The following CIT variants were observed in gnomAD, a reference collection of about 807,000 sequenced individuals.
The protein encoded by CIT is citron Rho-interacting kinase.
In CIT, 79 loss-of-function variants were observed where a neutral mutation model predicts 272.7. That is an observed-to-expected ratio of 0.29 (90% confidence interval 0.24 to 0.35). CIT has a LOEUF of 0.35. Ranked by LOEUF, CIT falls within the 10% of genes least tolerant of loss-of-function variation. CIT has a pLI of 1.00. For missense variants in CIT, 1,909 were observed against 2,618.3 expected, an observed-to-expected ratio of 0.73 and a Z score of 5.91; for synonymous variants, 948 against 995.6, an observed-to-expected ratio of 0.95 and a Z score of 0.90.
At position 119,728,487 on chromosome 12, in the gene CIT, G is replaced by GT; in HGVS notation, c.3591+14dup. 6.5e-7 allele frequency: 1 copy of GT among 1,544,624 alleles called. No homozygotes were observed. The highest frequency in any genetic ancestry group is 8.8e-7 in the Non-Finnish European group (1 of 1,133,920). ...AAAATCCACTTGGCCCTTCTCCCAG[G>GT]TATTTCACACTCACCTCTTCCAGAA... On this transcript the variant is annotated intron_variant, in intron 28 of 47. Transcript: ENST00000392521. This position sits in a 1 kb window ranked among gnomAD's most constrained non-coding sequence, Gnocchi z 4.3.
intron 26 of CIT, among the ~76,000 whole-genome samples, chr12:119,730,870 G>A (rs1958398741): frequency 1.3e-5 from 2 of 152,230 alleles, no homozygotes; most frequent in South Asian, 4.1e-4. Flanking sequence ...GCTCATGCCT[G>A]TAATCCCAGC....
chr12:119,696,121 G>A (rs1279707619), intron 46 of CIT, among the ~76,000 whole-genome samples: 1 of 152,184 alleles, frequency 6.6e-6, no homozygotes, highest in African/African-American at 2.4e-5. Context: ...GTGGGGACCT[G>A]GGGAGAGGGA....
At chr12:119,688,290 G>A (rs534326758) in intron 47 of CIT, 35 bp from the exon 48 acceptor site, 49 of 1,605,432 alleles carry the variant, frequency 3.1e-5, no homozygotes, top group Non-Finnish European at 3.7e-5. Flanking sequence ...TTAGCCATCC[G>A]AGGCCAGAAG....
chr12:119,830,593 T>G (rs139584213), intron 7 of CIT, among the ~76,000 whole-genome samples: 242 of 133,564 alleles, frequency 1.8e-3, no homozygotes, highest in Non-Finnish European at 3.5e-3. Context: ...CATGATCAAC[T>G]AAGGGTTCTC....
At chr12:119,761,933 A>C (rs1961852163) in intron 19 of CIT, among the ~76,000 whole-genome samples, 1 of 152,226 alleles carries the variant, frequency 6.6e-6, no homozygotes, top group Non-Finnish European at 1.5e-5. Flanking sequence ...GGAAAAAAGA[A>C]GACGACATCA....
chr12:119,822,673 C>T, intron 9 of CIT, 147 bp downstream of exon 9: 1 of 789,718 alleles, frequency 1.3e-6, no homozygotes, highest in East Asian at 2.7e-5. Context: ...AAGACAGCTA[C>T]ATCATTAGCC....
At chr12:119,767,227 AC>A in intron 18 of CIT, 45 bp from the exon 19 acceptor site, 4 of 1,409,556 alleles carry the variant, frequency 2.8e-6, no homozygotes, top group Non-Finnish European at 3.9e-6. Context: ...AGGGCAGGAC[AC>A]CGCCAATGCA....
intron 15 of CIT, 118 bp downstream of exon 15, chr12:119,776,240 G>C (rs112983042): frequency 6.3e-6 from 5 of 797,200 alleles, no homozygotes; most frequent in African/African-American, 5.2e-5. Flanking sequence ...AAGCCTCGAA[G>C]AGAGGTCTCT....
chr12:119,862,847 A>AAC (rs1950394655), intron 3 of CIT, among the ~76,000 whole-genome samples: 3 of 116,146 alleles, frequency 2.6e-5, no homozygotes, highest in East Asian at 2.7e-4. Flanking sequence ...AAAAGAAAAA[A>AAC]CCAAAAAAAA....
intron 20 of CIT, among the ~76,000 whole-genome samples, chr12:119,760,093 A>T (rs1333025825): frequency 1.3e-5 from 2 of 151,506 alleles, no homozygotes; most frequent in Non-Finnish European, 2.9e-5. Flanking sequence ...AGGCTGAGGC[A>T]GGAAAATTAC....
intron 10 of CIT, among the ~76,000 whole-genome samples, chr12:119,787,767 A>G (rs1206834002): frequency 6.6e-6 from 1 of 151,698 alleles, no homozygotes; most frequent in Non-Finnish European, 1.5e-5. Context: ...AATTTAAAAA[A>G]AAAAGAAAAA....
At chr12:119,704,553 T>C in intron 40 of CIT, 98 bp from the exon 41 acceptor site, 1 of 1,019,992 alleles carries the variant, frequency 9.8e-7, no homozygotes, top group Non-Finnish European at 1.5e-6. Flanking sequence ...CCATTGATGA[T>C]TCAGACCAGA....
intron 46 of CIT, among the ~76,000 whole-genome samples, chr12:119,692,095 C>A (rs1955984404): frequency 6.6e-6 from 1 of 152,194 alleles, no homozygotes; most frequent in African/African-American, 2.4e-5. Context: ...CTAACATGCT[C>A]TGACACCAAC....
chr12:119,782,741 T>G (rs1414398800), intron 12 of CIT, 104 bp from the exon 13 acceptor site: 1 of 1,390,984 alleles, frequency 7.2e-7, no homozygotes, highest in East Asian at 2.4e-5. Flanking sequence ...CCAGGACAGT[T>G]TCGAGTGACG....
At chr12:119,731,702 T>C (rs142072296) in intron 26 of CIT, among the ~76,000 whole-genome samples, 3 of 151,716 alleles carry the variant, frequency 2.0e-5, no homozygotes, top group African/African-American at 7.2e-5. Context: ...TTACTCAGCC[T>C]TCAAGGATAA....
intron 10 of CIT, among the ~76,000 whole-genome samples, chr12:119,799,095 C>T (rs1366186848): frequency 6.6e-6 from 1 of 152,146 alleles, no homozygotes; most frequent in African/African-American, 2.4e-5. Context: ...TTGGTCAGAA[C>T]CGTGAAGTGT....
intron 2 of CIT, among the ~76,000 whole-genome samples, chr12:119,872,861 A>G (rs979729091): frequency 6.6e-6 from 1 of 152,118 alleles, no homozygotes; most frequent in African/African-American, 2.4e-5. Flanking sequence ...CAGTGTTGCA[A>G]TCTCAACTCA....
chr12:119,811,747 T>C (rs1461043558), intron 9 of CIT, among the ~76,000 whole-genome samples: 1 of 152,344 alleles, frequency 6.6e-6, no homozygotes, highest in Non-Finnish European at 1.5e-5. Context: ...TTAACCAGAC[T>C]TCTTAACATT....
chr12:119,746,955 C>T (rs978503112), intron 23 of CIT, among the ~76,000 whole-genome samples: 4 of 152,170 alleles, frequency 2.6e-5, no homozygotes, highest in Non-Finnish European at 4.4e-5. Flanking sequence ...AGAATATATA[C>T]ATAAAGACAG....
Sources: allele counts gnomAD v4.1 joint callset (sites outside exome capture counted in the v4.1 genomes callset), GRCh38; gene constraint gnomAD v4.1.1; non-coding constraint Gnocchi (gnomAD v3.1); transcripts MANE v1.5; gene names NCBI Gene and HGNC (gene_info 2026-07-23, HGNC 2026-07-21).